Variants in DACH2 observed in about 807,000 individuals in gnomAD.
The protein encoded by DACH2 is dachshund family transcription factor 2.
Under a neutral mutation model 35.8 loss-of-function variants are expected in DACH2, and 17 were observed. The ratio of observed to expected loss-of-function variants is 0.48; its 90% CI spans 0.33 to 0.71. DACH2 has a LOEUF of 0.71. Among genes scored for constraint, DACH2 ranks in the 30% least tolerant of loss-of-function variants. DACH2 has a pLI of 0.02. For synonymous variants in DACH2, 195 were observed against 177.3 expected (o/e 1.10, Z -0.79); for missense variants, 469 against 472.7 (o/e 0.99, Z 0.07).
chrX:86,164,567 G>T (rs1347433541), intron 1 of DACH2, among the ~76,000 whole-genome samples: 1 of 111,436 alleles, frequency 9.0e-6, no homozygotes. Context: ...ATAGTTTTGG[G>T]TTTTCCATTT....
chrX:86,148,726 C>T lies in DACH2; in HGVS notation c.106C>T (p.Pro36Ser), dbSNP rs776651982. The T allele has an allele frequency of 2.5e-6, 3 of 1,210,930 alleles. No homozygotes were observed. The South Asian group carries it at 5.3e-5, about 21-fold the overall frequency. ...EPLYSTPREP[P>S]RLTPNMINSF... The stretch of plus-strand genomic sequence containing the variant: ...CCTGTACTCGACTCCCAGAGAGCCC[C>T]CTCGTCTTACTCCTAATATGATCAA... The change falls in exon 1 of 12, where the codon CCT becomes TCT. Residue 36 changes from proline to serine, a missense_variant. Transcript: ENST00000373125.
intron 3 of DACH2, among the ~76,000 whole-genome samples, chrX:86,617,288 G>GT (rs907635904): frequency 4.5e-3 from 482 of 107,271 alleles, no homozygotes; most frequent in East Asian, 7.8e-3. Flanking sequence ...TTCTAAAATA[G>GT]TTTTTTTTTT....
chrX:86,184,894 T>C (rs2031635768), intron 1 of DACH2, among the ~76,000 whole-genome samples: 1 of 110,672 alleles, frequency 9.0e-6, no homozygotes, highest in South Asian at 3.8e-4. Context: ...ATTTGAATCT[T>C]TTTTTTTCTT....
intron 1 of DACH2, among the ~76,000 whole-genome samples, chrX:86,155,981 T>A (rs896219814): frequency 2.0e-4 from 22 of 111,067 alleles, no homozygotes; most frequent in Admixed American, 1.9e-3. Context: ...ATAGTTAACT[T>A]TTTTTCAATT....
chrX:86,770,140 T>C (rs2034462060), intron 7 of DACH2, among the ~76,000 whole-genome samples: 1 of 104,414 alleles, frequency 9.6e-6, no homozygotes, highest in African/African-American at 3.5e-5. Flanking sequence ...CACAAAGACA[T>C]TCATCAATGA....
At chrX:86,248,747 A>C (rs1426613117) in intron 1 of DACH2, among the ~76,000 whole-genome samples, 1 of 111,539 alleles carries the variant, frequency 9.0e-6, no homozygotes, top group African/African-American at 3.3e-5. Context: ...AACAATCCTA[A>C]GTAAAAAGTG....
intron 1 of DACH2, among the ~76,000 whole-genome samples, chrX:86,240,477 A>G (rs960457795): frequency 1.1e-5 from 1 of 87,239 alleles, no homozygotes; most frequent in African/African-American, 4.1e-5. Context: ...TATTATTATT[A>G]TTACTTTTTG....
At chrX:86,392,285 T>C (rs1208337379) in intron 2 of DACH2, among the ~76,000 whole-genome samples, 1 of 111,724 alleles carries the variant, frequency 9.0e-6, no homozygotes, top group Non-Finnish European at 1.9e-5. Flanking sequence ...ATGTATAAAA[T>C]GTATAACATG....
chrX:86,313,627 G>T (rs2034842061), intron 1 of DACH2, among the ~76,000 whole-genome samples: 1 of 111,787 alleles, frequency 8.9e-6, no homozygotes, highest in African/African-American at 3.3e-5. Context: ...GCATCCTAGG[G>T]TTATTATTAG....
At chrX:86,807,695 A>C (rs931303085) in intron 7 of DACH2, among the ~76,000 whole-genome samples, 1 of 112,051 alleles carries the variant, frequency 8.9e-6, no homozygotes, top group African/African-American at 3.2e-5. Flanking sequence ...AAGATTTAGC[A>C]AGTTAAAAAT....
At chrX:86,160,539 G>T in intron 1 of DACH2, 1 of 523,312 alleles carries the variant, frequency 1.9e-6, no homozygotes. Flanking sequence ...TGGCAATCCA[G>T]TACAGGAGTA....
chrX:86,384,877 C>T (rs778847396), intron 2 of DACH2, among the ~76,000 whole-genome samples: 2 of 111,660 alleles, frequency 1.8e-5, no homozygotes, highest in African/African-American at 3.2e-5. Flanking sequence ...ACATATAAAA[C>T]ATCGAAGCCT....
intron 2 of DACH2, among the ~76,000 whole-genome samples, chrX:86,384,210 C>A (rs143163802): frequency 0.038 from 4,247 of 110,640 alleles, 107 homozygotes; most frequent in East Asian, 0.2. Context: ...AGAGGAAAGG[C>A]TCATAACCAC....
At chrX:86,716,152 C>T (rs2041333697) in intron 6 of DACH2, among the ~76,000 whole-genome samples, 1 of 111,412 alleles carries the variant, frequency 9.0e-6, no homozygotes, top group African/African-American at 3.3e-5. Context: ...CAAAACTGCA[C>T]TTGTATCCCT....
chrX:86,633,507 C>T (rs754025337), intron 3 of DACH2, among the ~76,000 whole-genome samples: 1 of 111,388 alleles, frequency 9.0e-6, no homozygotes, highest in Non-Finnish European at 1.9e-5. Flanking sequence ...GATAAATTCA[C>T]GGACGAATTC....
intron 1 of DACH2, among the ~76,000 whole-genome samples, chrX:86,211,447 G>A (rs139233616): frequency 2.8e-3 from 312 of 111,525 alleles, no homozygotes; most frequent in South Asian, 0.02. Flanking sequence ...GTCAAGCATA[G>A]CTGGCTCATT....
intron 7 of DACH2, among the ~76,000 whole-genome samples, chrX:86,791,122 G>C (rs1372270775): frequency 2.7e-5 from 3 of 111,225 alleles, no homozygotes; most frequent in Admixed American, 1.9e-4. Context: ...AGGAGGAAGA[G>C]GACTGGTTAG....
chrX:86,331,917 A>G (rs1307251197), intron 1 of DACH2, among the ~76,000 whole-genome samples: 1 of 111,130 alleles, frequency 9.0e-6, no homozygotes, highest in Non-Finnish European at 1.9e-5. Context: ...ATTGGAAAAA[A>G]ATAAAAGTTG....
At chrX:86,472,752 T>C (rs1184696018) in intron 2 of DACH2, among the ~76,000 whole-genome samples, 1 of 111,979 alleles carries the variant, frequency 8.9e-6, no homozygotes, top group Non-Finnish European at 1.9e-5. Flanking sequence ...TTCAATTCCA[T>C]GTAGATTTAA....
Sources: allele counts gnomAD v4.1 joint callset (sites outside exome capture counted in the v4.1 genomes callset), GRCh38; gene constraint gnomAD v4.1.1; transcripts MANE v1.5; gene names NCBI Gene and HGNC (gene_info 2026-07-23, HGNC 2026-07-21).